The following KIF23 variants were observed in gnomAD, a reference collection of about 807,000 sequenced individuals.
KIF23 encodes the protein kinesin family member 23, also known as kinesin-like protein KIF23.
A neutral mutation model predicts 137.5 loss-of-function variants in KIF23; 30 were observed. That is an observed-to-expected ratio of 0.22 (90% CI 0.16 to 0.30). The LOEUF is 0.30. Among genes scored for constraint, KIF23 ranks in the 10% least tolerant of loss-of-function variants. The probability of loss-of-function intolerance (pLI) is 1.00; values close to 1 mark genes in which losing one functional copy is unlikely to be tolerated. For synonymous variants in KIF23, 367 were observed against 391.1 expected (o/e 0.94, Z 0.73); for missense variants, 920 against 1,194.3 (o/e 0.77, Z 3.38).
rs143490400 is a variant in KIF23 at position 69,424,932 on chromosome 15, T to G, written c.735-350T>G. Among the ~76,000 whole-genome samples the G allele has an allele frequency of 3.3e-5, 5 of 152,400 alleles. No individual in the cohort carries two copies. In the East Asian group the frequency reaches 9.6e-4, roughly 29 times the overall value. On this transcript the variant is annotated intron_variant, in intron 7 of 23. Transcript: ENST00000679126. The stretch of plus-strand genomic sequence containing the variant: ...TCGTGTGCCAACTTTTTGTTTGGTT[T>G]GTTCTAAATGAGATTATTTTCAAAG...
chr15:69,414,595 C>T (rs2056841534), intron 1 of KIF23, 119 bp downstream of exon 1: 6 of 1,143,108 alleles, frequency 5.2e-6, no homozygotes, highest in African/African-American at 1.7e-5. Context: ...CAGCATCCCG[C>T]CCGGTGCTGC....
chr15:69,424,459 A>G (rs544775286), intron 7 of KIF23, among the ~76,000 whole-genome samples: 1 of 152,332 alleles, frequency 6.6e-6, no homozygotes, highest in Non-Finnish European at 1.5e-5. Flanking sequence ...AATGTTGGTA[A>G]TAGTAAAAAT....
At position 69,423,144 on chromosome 15, in the gene KIF23, C is replaced by CT. The variant is rs369871094; in HGVS notation, c.564-11dup. ...TGGACTTATAACGTATACAATTGAA[C>CT]TTTTCTTTTTTTAGACGACAAGTAG... On this transcript the variant is annotated splice_polypyrimidine_tract_variant and intron_variant, in intron 6 of 23. Transcript: ENST00000679126. 64,507 of 972,396 alleles carry CT rather than the reference C, an allele frequency of 0.066. 1 individual carries two copies. The highest frequency in any genetic ancestry group is 0.073 in the Non-Finnish European group (50,693 of 693,010). 60.2% of individuals were successfully genotyped at this position (972,396 alleles called of 1,614,324 possible).
intron 17 of KIF23, 42 bp from the exon 18 acceptor site, chr15:69,440,266 T>C: frequency 6.3e-7 from 1 of 1,577,252 alleles, no homozygotes; most frequent in Non-Finnish European, 8.6e-7. Flanking sequence ...ACTCGTTTGC[T>C]GTGATGGAAT....
chr15:69,422,795 G>T (rs1595985146), intron 6 of KIF23: 2 of 276,614 alleles, frequency 7.2e-6, no homozygotes, highest in East Asian at 9.1e-5. Flanking sequence ...TTCCCCTTGG[G>T]ATCAGTTACT....
Position 69,435,673 on chromosome 15 carries a change from A to T in KIF23, c.1216A>T (p.Lys406Ter). ...GTAGATGGTTCCATATCGAGATTCA[A>T]AGTTAACCCATCTGTTCAAGAACTA... ...TNKMVPYRDSKLTHLFKNYFD... is the reference protein window; with the variant it reads ...TNKMVPYRDS Residue 406 changes from lysine (K) to a stop codon, truncating the protein, a stop_gained, in exon 13 of 24, where the codon AAG becomes TAG. Coordinates refer to ENST00000679126, the MANE Select transcript of KIF23 (RefSeq NM_001367805.3). LOFTEE classifies it high-confidence loss of function. 6.2e-7 allele frequency: 1 copy of T among 1,614,000 alleles called. No homozygotes were observed. Among genetic ancestry groups the T allele is most frequent in the Non-Finnish European group, 8.5e-7 (1 of 1,179,996 alleles).
chr15:69,421,148 T>C (rs908894891), intron 3 of KIF23, among the ~76,000 whole-genome samples: 4 of 152,130 alleles, frequency 2.6e-5, no homozygotes, highest in South Asian at 2.1e-4. Context: ...ATCCCAGCAC[T>C]TTGGAAGGCT....
intron 21 of KIF23, 34 bp downstream of exon 21, chr15:69,446,125 T>A (rs750048110): frequency 6.3e-7 from 1 of 1,585,584 alleles, no homozygotes; most frequent in South Asian, 1.1e-5. Flanking sequence ...GTATAAAAGT[T>A]GGTCATTTTC....
At chr15:69,438,535 T>G (rs1322376355) in intron 16 of KIF23, 130 bp downstream of exon 16, 10 of 747,238 alleles carry the variant, frequency 1.3e-5, no homozygotes, top group Non-Finnish European at 2.0e-5. Flanking sequence ...CGGTGGCTCA[T>G]GCAGGTAATT....
chr15:69,420,322 C>T (rs1039993129), intron 3 of KIF23, among the ~76,000 whole-genome samples: 4 of 151,938 alleles, frequency 2.6e-5, no homozygotes, highest in Non-Finnish European at 5.9e-5. Flanking sequence ...TACTAATTAA[C>T]TCCATGGGCT....
At chr15:69,434,874 G>T in intron 11 of KIF23, 1 of 745,042 alleles carries the variant, frequency 1.3e-6, no homozygotes. Flanking sequence ...GTCCATAGCT[G>T]CGCGGCCATG....
At chr15:69,429,581 A>G (rs980989105) in intron 11 of KIF23, among the ~76,000 whole-genome samples, 1 of 152,174 alleles carries the variant, frequency 6.6e-6, no homozygotes, top group Non-Finnish European at 1.5e-5. Context: ...TCTTGGGATT[A>G]CAGGAATGAG....
intron 15 of KIF23, 41 bp downstream of exon 15, chr15:69,436,763 T>C (rs113624049): frequency 7.6e-7 from 1 of 1,322,084 alleles, no homozygotes; most frequent in Non-Finnish European, 1.0e-6. Context: ...TTTAATTATT[T>C]TTTTTTTTTG....
intron 16 of KIF23, 30 bp downstream of exon 16, chr15:69,438,435 A>G (rs756948352): frequency 3.2e-6 from 5 of 1,579,206 alleles, no homozygotes; most frequent in Non-Finnish European, 3.4e-6. Context: ...TGATAGATGT[A>G]TGTGCTGGTG....
At chr15:69,416,719 C>A (rs1369828225) in intron 2 of KIF23, among the ~76,000 whole-genome samples, 1 of 152,166 alleles carries the variant, frequency 6.6e-6, no homozygotes, top group African/African-American at 2.4e-5. Flanking sequence ...CTTTGGGAGG[C>A]TGAGGCGGGT....
rs377054458 is a variant in KIF23 at position 69,444,809 on chromosome 15, A to G, written c.2441A>G (p.Gln814Arg). The change falls in exon 20 of 24, where the codon CAG becomes CGG. Residue 814 changes from glutamine (Q) to arginine (R), a missense_variant. Physicochemically the swap from Gln to Arg is conservative, Grantham distance 43. This residue lies in a region of KIF23 where 714 missense variants were observed against 866.2 expected (regional missense o/e 0.82). Transcript: ENST00000679126. This position sits in a 1 kb window ranked among gnomAD's most constrained non-coding sequence, Gnocchi z 4.2. ...TCTCAGTTACTCTTTCAACCTGATC[A>G]GAACGCACCACCAATTCGTCTCCGA... is the stretch of plus-strand genomic sequence containing the variant. ...HCGRLLFQPD[Q>R]NAPPIRLRHR... 55 of 1,614,070 alleles carry G rather than the reference A, an allele frequency of 3.4e-5. No individual in the cohort carries two copies. Among genetic ancestry groups the G allele is most frequent in the Non-Finnish European group, 4.7e-5 (55 of 1,180,046 alleles).
chr15:69,444,818 C>T lies in KIF23; in HGVS notation c.2450C>T (p.Pro817Leu). 6.2e-7 allele frequency: 1 copy of T among 1,614,098 alleles called. No homozygotes were observed. The highest frequency in any genetic ancestry group is 8.5e-7 in the Non-Finnish European group (1 of 1,180,016). The change falls in exon 20 of 24, where the codon CCA (proline) becomes CTA (leucine). Residue 817 changes from proline to leucine, a missense_variant. By Grantham distance (98) the Pro-to-Leu change is moderately conservative. Coordinates refer to ENST00000679126, the MANE Select transcript of KIF23 (RefSeq NM_001367805.3). The surrounding 1 kb of genome is among the most constrained non-coding windows in gnomAD (Gnocchi z 4.2). ...CTCTTTCAACCTGATCAGAACGCAC[C>T]ACCAATTCGTCTCCGACACAGACGA... ...RLLFQPDQNAPPIRLRHRRSR... is the reference protein window; with the variant it reads ...RLLFQPDQNALPIRLRHRRSR...
intron 14 of KIF23, 97 bp downstream of exon 14, chr15:69,436,358 C>A: frequency 1.4e-6 from 2 of 1,434,232 alleles, no homozygotes; most frequent in East Asian, 2.3e-5. Context: ...TGTTTACATA[C>A]CTTCTGAAGA....
rs1567081235 is a variant in KIF23 at position 69,444,301 on chromosome 15, ATTTC to A, written c.2422-485_2422-482del. On this transcript the variant is annotated intron_variant, in intron 19 of 23. Transcript: ENST00000679126. This position sits in a 1 kb window ranked among gnomAD's most constrained non-coding sequence, Gnocchi z 4.2. Reference sequence around the variant, plus strand: ...CTGAAAGCACTCAGAAGTATTTCACATTTCTTTAATCATTTTATTCATATGGTTC... The same window carrying A: ...CTGAAAGCACTCAGAAGTATTTCACATTTAATCATTTTATTCATATGGTTC... The A allele has an allele frequency of 6.6e-6, 1 of 152,446 alleles. No individual in the cohort carries two copies. The highest frequency in any genetic ancestry group is 2.4e-5 in the African/African-American group (1 of 41,412). 9.4% of individuals were successfully genotyped at this position (152,446 alleles called of 1,614,324 possible).
Sources: gnomAD v4.1 joint callset for allele counts (sites outside exome capture counted in the v4.1 genomes callset) on GRCh38, gnomAD v4.1.1 for gene constraint, gnomAD v4.1.1 regional missense constraint, Gnocchi (gnomAD v3.1) non-coding constraint, MANE v1.5 for transcripts, NCBI Gene and HGNC (gene_info 2026-07-23, HGNC 2026-07-21) for gene names.